The following ADGRE2 variants were observed in gnomAD, a reference collection of about 807,000 sequenced individuals.
ADGRE2 encodes CD97 antigen.
Under a neutral mutation model 100.8 loss-of-function variants are expected in ADGRE2, and 83 were observed. That is an observed-to-expected ratio of 0.82 (90% CI 0.69 to 0.99). ADGRE2 has a LOEUF of 0.99. Among genes scored for constraint, ADGRE2 ranks in the 50% least tolerant of loss-of-function variants. ADGRE2 has a pLI of 0.00. For synonymous variants in ADGRE2, 355 were observed against 413.0 expected, an observed-to-expected ratio of 0.86 and a Z score of 1.70; for missense variants, 814 against 1,035.7, an observed-to-expected ratio of 0.79 and a Z score of 2.94.
rs371664711 is a variant in ADGRE2 at position 14,739,499 on chromosome 19, C to A, written c.2464-3255G>T. Among the ~76,000 whole-genome samples, 73 of 152,252 alleles carry A rather than the reference C, an allele frequency of 4.8e-4. No individual in the cohort carries two copies. In the South Asian group the frequency reaches 8.5e-3, roughly 18 times the overall value. ...TTTCTTCAATGTGTATATATCATTT[C>A]TAGTGGCTGTGTGGGGTGAAAGGGT... is the stretch of plus-strand genomic sequence containing the variant. On this transcript the variant is annotated intron_variant, in intron 20 of 20. Coordinates refer to ENST00000315576, the MANE Select transcript of ADGRE2 (RefSeq NM_013447.4).
intron 5 of ADGRE2, among the ~76,000 whole-genome samples, chr19:14,768,228 C>G (rs1352788516): frequency 6.6e-6 from 1 of 152,214 alleles, no homozygotes; most frequent in African/African-American, 2.4e-5. Context: ...CTGAGCCAGT[C>G]CCCAGGGGAG....
Position 14,776,816 on chromosome 19 carries a change from C to T in ADGRE2, c.-60G>A. 1.2e-6 allele frequency: 2 copies of T among 1,606,788 alleles called. No homozygotes were observed. Among genetic ancestry groups the T allele is most frequent in the Non-Finnish European group, 1.7e-6 (2 of 1,176,784 alleles). ...GAAAGAGTGAGTGGGACAGGGCTGT[C>T]CCGTCTCCGCAGGCTGGGCAGCTGT... is the stretch of plus-strand genomic sequence containing the variant. On this transcript the variant is annotated 5_prime_UTR_variant, in exon 2 of 21. Transcript: ENST00000315576.
intron 5 of ADGRE2, among the ~76,000 whole-genome samples, chr19:14,767,627 T>G (rs2147461243): frequency 6.6e-6 from 1 of 152,234 alleles, no homozygotes; most frequent in East Asian, 1.9e-4. Context: ...GCTGGAAGCA[T>G]CTGAGTCCTC....
chr19:14,747,123 C>G (rs1220248829), intron 16 of ADGRE2, among the ~76,000 whole-genome samples, 161 bp from the exon 17 acceptor site: 2 of 152,058 alleles, frequency 1.3e-5, no homozygotes, highest in Non-Finnish European at 2.9e-5. Context: ...TCTGAAGATA[C>G]AGTGGTGGAG....
chr19:14,771,379 C>T (rs1394160775), intron 5 of ADGRE2, among the ~76,000 whole-genome samples: 1 of 152,166 alleles, frequency 6.6e-6, no homozygotes, highest in Non-Finnish European at 1.5e-5. Flanking sequence ...TACTGGTTCC[C>T]ATCTGGCCTT....
intron 11 of ADGRE2, among the ~76,000 whole-genome samples, chr19:14,763,931 CCCTCCTCT>C (rs1366401425): frequency 1.5e-5 from 2 of 136,620 alleles, no homozygotes; most frequent in African/African-American, 5.5e-5. Flanking sequence ...CTTCCTCCTC[CCCTCCTCT>C]CCTCCTGTCC....
chr19:14,759,503 A>ATATATATATATATATATATATTTTT (rs60789454), intron 11 of ADGRE2, among the ~76,000 whole-genome samples: 1 of 133,380 alleles, frequency 7.5e-6, no homozygotes, highest in African/African-American at 3.0e-5. Flanking sequence ...ATATATATAT[A>ATATATATATATATATATATATTTTT]TTTTTTTTTT....
At chr19:14,749,401 AATT>A (rs2043194878) in intron 16 of ADGRE2, among the ~76,000 whole-genome samples, 1 of 140,332 alleles carries the variant, frequency 7.1e-6, no homozygotes, top group Non-Finnish European at 1.5e-5. Context: ...TATATAATAT[AATT>A]ATTTATAGTT....
At chr19:14,749,852 GTATTCATAGTTACA>G (rs2043228272) in intron 16 of ADGRE2, among the ~76,000 whole-genome samples, 1 of 46,628 alleles carries the variant, frequency 2.1e-5, no homozygotes, top group Admixed American at 1.7e-4. Context: ...GCTATGTTAT[GTATTCATAGTTACA>G]TAATTATTTA....
chr19:14,728,096 C>T (rs2042644908), downstream of ADGRE2, among the ~76,000 whole-genome samples: 1 of 152,076 alleles, frequency 6.6e-6, no homozygotes, highest in African/African-American at 2.4e-5. Flanking sequence ...GCCTGTAGTC[C>T]CAACTACTCG....
intron 16 of ADGRE2, among the ~76,000 whole-genome samples, chr19:14,747,667 G>A (rs922401257): frequency 6.6e-6 from 1 of 152,052 alleles, no homozygotes; most frequent in African/African-American, 2.4e-5. Flanking sequence ...AATGAGCTGC[G>A]TGTGGTGGCG....
intron 5 of ADGRE2, among the ~76,000 whole-genome samples, chr19:14,770,702 C>G (rs2044174694): frequency 4.9e-5 from 1 of 20,212 alleles, no homozygotes; most frequent in Non-Finnish European, 8.3e-5. Flanking sequence ...TTTTTTGAGA[C>G]AAAGTCTTGC....
chr19:14,766,395 C>T lies in ADGRE2; in HGVS notation c.488-14G>A. The T allele has an allele frequency of 1.9e-6, 3 of 1,611,102 alleles. No homozygotes were observed. Among genetic ancestry groups the T allele is most frequent in the Non-Finnish European group, 2.5e-6 (3 of 1,178,800 alleles). On this transcript the variant is annotated splice_polypyrimidine_tract_variant and intron_variant, in intron 6 of 20. Coordinates refer to ENST00000315576, the MANE Select transcript of ADGRE2 (RefSeq NM_013447.4). ...ATTCATTCACATCTGAGGACAAAGC[C>T]AGAGGGTCAAACCCTGTCCCTGACC...
In ADGRE2 at chr19:14,763,320, G is replaced by A. The variant is rs540019521; in HGVS notation, c.1084+1113C>T. 2.6e-5 allele frequency among the ~76,000 whole-genome samples: 4 copies of A among 152,102 alleles called. No individual in the cohort carries two copies. In the East Asian group the frequency reaches 7.8e-4, roughly 29 times the overall value. ...ATCACGTCACTGCTCTCCAGCCTGG[G>A]CGACAGAGTGAGACTCTGTCTCAAA... On this transcript the variant is annotated intron_variant, in intron 11 of 20. Transcript: ENST00000315576.
At chr19:14,754,481 A>ATCTATCTG (rs988435716) in intron 14 of ADGRE2, among the ~76,000 whole-genome samples, 9 of 150,714 alleles carry the variant, frequency 6.0e-5, no homozygotes, top group Non-Finnish European at 1.3e-4. Context: ...CTATCTATCT[A>ATCTATCTG]TCTATCTATT....
chr19:14,738,642 TGCTGG>T (rs1232290269), intron 20 of ADGRE2, among the ~76,000 whole-genome samples: 1 of 152,130 alleles, frequency 6.6e-6, no homozygotes, highest in Non-Finnish European at 1.5e-5. Context: ...CCTCCCAAAG[TGCTGG>T]GATTACAAGC....
chr19:14,759,504 T>TA (rs1555786067), intron 11 of ADGRE2, among the ~76,000 whole-genome samples: 6,965 of 70,288 alleles, frequency 0.099, 531 homozygotes, highest in African/African-American at 0.26. Flanking sequence ...TATATATATA[T>TA]TTTTTTTTTT....
the ADGRE2 span, among the ~76,000 whole-genome samples, chr19:14,725,888 G>A: frequency 6.6e-6 from 1 of 152,184 alleles, no homozygotes; most frequent in Non-Finnish European, 1.5e-5. Flanking sequence ...ACCATTCTGG[G>A]GTCTGGAGGG....
chr19:14,731,214 C>G, downstream of ADGRE2: 1 of 1,532,296 alleles, frequency 6.5e-7, no homozygotes, highest in Non-Finnish European at 8.7e-7. Flanking sequence ...ATCCAGTACT[C>G]TCTTGCATGT....
Sources: allele counts gnomAD v4.1 joint callset (sites outside exome capture counted in the v4.1 genomes callset), GRCh38; gene constraint gnomAD v4.1.1; transcripts MANE v1.5; gene names NCBI Gene and HGNC (gene_info 2026-07-23, HGNC 2026-07-21).